MYOM3: variants seen among roughly 807,000 people sequenced by gnomAD.
The protein encoded by MYOM3 is myomesin-3.
MYOM3 carries 155 observed loss-of-function variants against 191.7 expected under a neutral mutation model. The ratio of observed to expected loss-of-function variants is 0.81; its 90% CI spans 0.71 to 0.92. The LOEUF (loss-of-function observed/expected upper bound fraction) is 0.92. Ranked by LOEUF, MYOM3 falls within the 40% of genes least tolerant of loss-of-function variation. The pLI is 0.00. For missense variants in MYOM3, 1,889 were observed against 1,890.6 expected, an observed-to-expected ratio of 1.00 and a Z score of 0.02; for synonymous variants, 757 against 762.9, an observed-to-expected ratio of 0.99 and a Z score of 0.13.
At chr1:24,108,702 C>A in intron 1 of MYOM3, 48 bp from the exon 2 acceptor site, 1 of 1,408,802 alleles carries the variant, frequency 7.1e-7, no homozygotes, top group East Asian at 2.8e-5. Flanking sequence ...CCCGCCTATC[C>A]CCTCCCATGC....
chr1:24,095,534 T>C, intron 7 of MYOM3, 48 bp from the exon 8 acceptor site: 2 of 1,556,112 alleles, frequency 1.3e-6, no homozygotes, highest in East Asian at 2.3e-5. Context: ...AGAGCCCACA[T>C]TCCTATGCTA....
Position 24,063,923 on chromosome 1 carries a change from A to G in MYOM3, c.3622+149T>C. On this transcript the variant is annotated intron_variant, in intron 30 of 36. Coordinates refer to ENST00000374434, the MANE Select transcript of MYOM3 (RefSeq NM_152372.4). This position sits in a 1 kb window ranked among gnomAD's most constrained non-coding sequence, Gnocchi z 4.5. ...CGACCTGGCTCCTGCCACTGACTAGATGTGGAATCTTGGGCAAGTTACTTA... is the reference window on the plus strand; with the variant it reads ...CGACCTGGCTCCTGCCACTGACTAGGTGTGGAATCTTGGGCAAGTTACTTA... 1 of 658,676 alleles carries G rather than the reference A, an allele frequency of 1.5e-6. No individual in the cohort carries two copies. Among genetic ancestry groups the G allele is most frequent in the Non-Finnish European group, 2.6e-6 (1 of 379,598 alleles). 40.8% of individuals were successfully genotyped at this position (658,676 alleles called of 1,614,324 possible).
At chr1:24,092,358 C>A in intron 10 of MYOM3, 43 bp from the exon 11 acceptor site, 1 of 1,335,828 alleles carries the variant, frequency 7.5e-7, no homozygotes, top group South Asian at 2.5e-5. Flanking sequence ...AGTCAGTGGC[C>A]ATTTGGTGAC....
rs1350026752 is a variant in MYOM3, at chr1:24,065,995, T to C, written c.3430A>G (p.Asn1144Asp). ...TGAAAGCGAGTCTCCTTCTTGGTGT[T>C]GGTCACCTGGGGAAGGTGGGGAATG... ...CQVQLTCKVT[N>D]TKKETRFQWF... Residue 1144 changes from asparagine (N) to aspartate (D), a missense_variant, in exon 29 of 37, where the codon AAC becomes GAC. Transcript: ENST00000374434. 1 of 1,610,202 alleles carries C rather than the reference T, an allele frequency of 6.2e-7. No homozygotes were observed. Among genetic ancestry groups the C allele is most frequent in the Non-Finnish European group, 8.5e-7 (1 of 1,176,448 alleles).
In MYOM3 at chr1:24,084,573, C is replaced by T. The variant is rs747476677; in HGVS notation, c.1865G>A (p.Trp622Ter). The T allele has an allele frequency of 4.3e-6, 7 of 1,613,946 alleles. No homozygotes were observed. Among genetic ancestry groups the T allele is most frequent in the Non-Finnish European group, 5.9e-6 (7 of 1,180,006 alleles). The change falls in exon 16 of 37, where the codon TGG (tryptophan) becomes TAG (stop). Residue 622 changes from tryptophan (W) to a stop codon, truncating the protein, a stop_gained. Transcript: ENST00000374434. LOFTEE classifies it high-confidence loss of function. Reference protein sequence around the residue: ...RDTQTSVSLTWDPVKDPELLG... With the variant: ...RDTQTSVSLT Reference sequence around the variant, plus strand: ...GAGCTCTGGGTCTTTCACAGGATCCCATGTCAGGGAGACAGAGGTCTGTGT... The same window carrying T: ...GAGCTCTGGGTCTTTCACAGGATCCTATGTCAGGGAGACAGAGGTCTGTGT...
At chr1:24,086,612 C>A in intron 15 of MYOM3, 32 bp downstream of exon 15, 2 of 1,603,576 alleles carry the variant, frequency 1.2e-6, no homozygotes, top group Non-Finnish European at 8.5e-7. Context: ...CCTGGCCTGC[C>A]TCCTCCCCGA....
chr1:24,074,270 C>G lies in MYOM3; in HGVS notation c.2859-1G>C. ...GGGTTCTTTCAGGATGACCTTGGAC[C>G]TGGCAGAGAGAGGAGAGCAGAGGCT... On this transcript the variant is annotated splice_acceptor_variant, in intron 22 of 36. Transcript: ENST00000374434. LOFTEE classifies it high-confidence loss of function. 6.2e-7 allele frequency: 1 copy of G among 1,612,598 alleles called. No homozygotes were observed. Among genetic ancestry groups the G allele is most frequent in the Non-Finnish European group, 8.5e-7 (1 of 1,178,708 alleles).
In MYOM3 at chr1:24,090,157, A is replaced by G. The variant is rs369381217; in HGVS notation, c.1433-39T>C. 100 of 1,552,436 alleles carry G rather than the reference A, an allele frequency of 6.4e-5. No homozygotes were observed. The Middle Eastern group carries it at 6.7e-4, about 10-fold the overall frequency. On this transcript the variant is annotated intron_variant, in intron 12 of 36. Coordinates refer to ENST00000374434, the MANE Select transcript of MYOM3 (RefSeq NM_152372.4). ...GGAGCATGGGAGGGTGGGGGGTGGC[A>G]CAGGAGGAGTTAGGCCAGGAGCTAC...
intron 1 of MYOM3, among the ~76,000 whole-genome samples, chr1:24,108,891 G>A (rs987834615): frequency 2.0e-5 from 3 of 152,214 alleles, no homozygotes; most frequent in Non-Finnish European, 4.4e-5. Flanking sequence ...AGCTGAGTGA[G>A]CAGAGCCCCC....
rs537024770 is a variant in MYOM3 at position 24,086,752 on chromosome 1, C to T, written c.1690G>A (p.Asp564Asn). The T allele has an allele frequency of 2.5e-6, 4 of 1,614,210 alleles. No individual in the cohort carries two copies. The South Asian group carries it at 3.3e-5, about 13-fold the overall frequency. ...PVRSPRFAVL[D>N]LEKKKSYVFR... The stretch of plus-strand genomic sequence containing the variant: ...ACATACGACTTCTTTTTCTCCAGGT[C>T]CAGAACGGCGAATCTCGGGGATCTC... The change falls in exon 15 of 37, where the codon GAC becomes AAC. Residue 564 changes from aspartate (D) to asparagine (N), a missense_variant. By Grantham distance (23) the Asp-to-Asn change is conservative (BLOSUM62 1). Coordinates refer to ENST00000374434, the MANE Select transcript of MYOM3 (RefSeq NM_152372.4).
At chr1:24,061,612 C>G (rs1449437447) in intron 33 of MYOM3, among the ~76,000 whole-genome samples, 1 of 152,178 alleles carries the variant, frequency 6.6e-6, no homozygotes, top group Non-Finnish European at 1.5e-5. Flanking sequence ...CAGGGTCTCA[C>G]TCTGTTGCCC....
At position 24,057,433 on chromosome 1, in the gene MYOM3, G is replaced by A. The variant is rs753406622; in HGVS notation, c.4245C>T (p.Ser1415=). The change falls in exon 37 of 37, where the codon TCC becomes TCT. Residue 1415 remains serine (S), a synonymous_variant. Transcript: ENST00000374434. The part of the protein sequence containing the change: ...YGVFVKNKYG[S]ETGQVTISVF... ...CACTGATGGTGACCTGGCCCGTCTCGGAGCCATACTTGTTCTTGACGAAGA... is the reference window on the plus strand; with the variant it reads ...CACTGATGGTGACCTGGCCCGTCTCAGAGCCATACTTGTTCTTGACGAAGA... 18 of 1,614,012 alleles carry A rather than the reference G, an allele frequency of 1.1e-5. No individual in the cohort carries two copies. Among genetic ancestry groups the A allele is most frequent in the East Asian group, 8.9e-5 (4 of 44,886 alleles).
chr1:24,081,747 A>G (rs4266831), intron 18 of MYOM3: 239,393 of 582,448 alleles, frequency 0.41, 50,706 homozygotes, highest in East Asian at 0.45. Flanking sequence ...ATTTTTTGTC[A>G]AGACAGGGTT....
intron 14 of MYOM3, among the ~76,000 whole-genome samples, chr1:24,088,524 C>T (rs76124157): frequency 0.012 from 1,829 of 152,246 alleles, 37 homozygotes; most frequent in African/African-American, 0.042. Flanking sequence ...AGCAGTCTGA[C>T]GCCAACATCT....
At chr1:24,075,246 A>C in intron 22 of MYOM3, 73 bp downstream of exon 22, 4 of 1,519,768 alleles carry the variant, frequency 2.6e-6, no homozygotes, top group Non-Finnish European at 3.6e-6. Flanking sequence ...GGTCTCAGCC[A>C]GGAGCCCCTG....
chr1:24,073,185 A>C lies in MYOM3; in HGVS notation c.2968+975T>G, dbSNP rs190972485. On this transcript the variant is annotated intron_variant, in intron 23 of 36. Transcript: ENST00000374434. ...GGAAACTGAGGCCCAGGAAGGTGGC[A>C]TGACTTGTCCAAAATCAGCCAGCAA... Among the ~76,000 whole-genome samples, 22 of 152,316 alleles carry C rather than the reference A, an allele frequency of 1.4e-4. 1 individual carries two copies. In the East Asian group the frequency reaches 3.7e-3, roughly 25 times the overall value.
At chr1:24,061,376 G>A in intron 33 of MYOM3, 67 bp from the exon 34 acceptor site, 3 of 1,506,646 alleles carry the variant, frequency 2.0e-6, no homozygotes, top group Non-Finnish European at 2.7e-6. Context: ...GGGACAGGGT[G>A]ACCCTGGGAG....
chr1:24,060,058 A>G (rs11249065), intron 35 of MYOM3, among the ~76,000 whole-genome samples: 3 of 152,294 alleles, frequency 2.0e-5, no homozygotes, highest in Admixed American at 6.5e-5. Flanking sequence ...CCAGCAACCC[A>G]GTATTGGTGA....
At position 24,065,931 on chromosome 1, in the gene MYOM3, T is replaced by C. The variant is rs748542620; in HGVS notation, c.3494A>G (p.Tyr1165Cys). Residue 1165 changes from tyrosine to cysteine, a missense_variant, in exon 29 of 37, where the codon TAT (tyrosine) becomes TGT (cysteine). Physicochemically the swap from Tyr to Cys is radical, Grantham distance 194. Coordinates refer to ENST00000374434, the MANE Select transcript of MYOM3 (RefSeq NM_152372.4). ...FQRAEMPDGQ[Y>C]DPETGTGLLC... ...AAGTCCCGTTCCCGTCTCTGGGTCA[T>C]ACTGACCATCTGGCATCTCTGCCCT... is the stretch of plus-strand genomic sequence containing the variant. The C allele has an allele frequency of 6.2e-7, 1 of 1,613,956 alleles. No homozygotes were observed. The highest frequency in any genetic ancestry group is 8.5e-7 in the Non-Finnish European group (1 of 1,179,900).
Sources: gnomAD v4.1 joint callset for allele counts (sites outside exome capture counted in the v4.1 genomes callset) on GRCh38, gnomAD v4.1.1 for gene constraint, Gnocchi (gnomAD v3.1) non-coding constraint, MANE v1.5 for transcripts, NCBI Gene and HGNC (gene_info 2026-07-23, HGNC 2026-07-21) for gene names.